Variants in TTC34 observed in about 807,000 individuals in gnomAD.
The protein encoded by TTC34 is tetratricopeptide repeat protein 34.
A neutral mutation model predicts 40.7 loss-of-function variants in TTC34; 44 were observed. The ratio of observed to expected loss-of-function variants is 1.08; its 90% CI spans 0.85 to 1.39. TTC34 has a LOEUF of 1.39. Ranked by LOEUF, TTC34 falls within the 40% of genes most tolerant of loss-of-function variation. TTC34 has a pLI of 0.00. For synonymous variants in TTC34, 422 were observed against 398.6 expected (o/e 1.06, Z -0.70); for missense variants, 884 against 838.0 (o/e 1.05, Z -0.68).
intron 6 of TTC34, among the ~76,000 whole-genome samples, chr1:2,657,380 C>G (rs1317488692): frequency 3.2e-5 from 3 of 94,266 alleles, no homozygotes; most frequent in Admixed American, 2.0e-4. Context: ...AGCACCCACA[C>G]CCCGAGGTGA....
exon 2 of TTC34, chr1:2,800,851 G>A (rs1340813318): frequency 1.5e-5 from 6 of 398,510 alleles, no homozygotes; most frequent in African/African-American, 1.2e-4. Flanking sequence ...ACGGGCCCAT[G>A]TCTGGTCCTC....
chr1:2,673,318 C>G (rs1639767790), intron 6 of TTC34, among the ~76,000 whole-genome samples: 1 of 87,112 alleles, frequency 1.1e-5, no homozygotes, highest in East Asian at 2.6e-4. Flanking sequence ...ACTCACACCC[C>G]CAGGAGAGCA....
intron 6 of TTC34, among the ~76,000 whole-genome samples, chr1:2,750,064 A>T (rs1641265216): frequency 9.4e-6 from 1 of 106,592 alleles, no homozygotes; most frequent in African/African-American, 4.4e-5. Context: ...AGCATCTGAC[A>T]GCCTGGAGCA....
intron 6 of TTC34, among the ~76,000 whole-genome samples, chr1:2,773,002 G>A: frequency 6.6e-6 from 1 of 151,686 alleles, no homozygotes; most frequent in East Asian, 2.0e-4. Context: ...CTGACAGCCT[G>A]GAGCAGCACC....
At chr1:2,793,482 T>G (rs1643683865) in intron 2 of TTC34, among the ~76,000 whole-genome samples, 1 of 152,268 alleles carries the variant, frequency 6.6e-6, no homozygotes, top group Non-Finnish European at 1.5e-5. Context: ...TTTTAAATTT[T>G]AGTTTAATCA....
At chr1:2,684,593 A>T (rs551150866) in intron 6 of TTC34, among the ~76,000 whole-genome samples, 1 of 127,366 alleles carries the variant, frequency 7.9e-6, no homozygotes, top group African/African-American at 3.6e-5. Context: ...AGCAACACCC[A>T]TACCCCCAGG....
chr1:2,646,547 G>A (rs556301119), intron 6 of TTC34, among the ~76,000 whole-genome samples: 1 of 152,174 alleles, frequency 6.6e-6, no homozygotes, highest in East Asian at 1.9e-4. Flanking sequence ...ACCACACCCA[G>A]CTCATTTTAA....
intron 5 of TTC34, 97 bp downstream of exon 5, chr1:2,785,722 A>G: frequency 7.5e-7 from 1 of 1,330,910 alleles, no homozygotes; most frequent in Non-Finnish European, 1.0e-6. Context: ...GCACCTGGGG[A>G]GCATGCGTGT....
At chr1:2,801,370 C>G (rs754678060) in intron 1 of TTC34, among the ~76,000 whole-genome samples, 1 of 152,118 alleles carries the variant, frequency 6.6e-6, no homozygotes, top group African/African-American at 2.4e-5. Context: ...GAGCACCTGC[C>G]AGGCCCTTGG....
chr1:2,752,990 T>A (rs1230784279), intron 6 of TTC34, among the ~76,000 whole-genome samples: 2,714 of 86,134 alleles, frequency 0.032, 1 homozygote, highest in African/African-American at 0.048. Context: ...GGTGAGCATC[T>A]GACCGCATGG....
chr1:2,756,540 A>T, intron 6 of TTC34, among the ~76,000 whole-genome samples: 1 of 131,072 alleles, frequency 7.6e-6, no homozygotes, highest in Admixed American at 8.5e-5. Flanking sequence ...CTGGAGCAGC[A>T]CCCACACTCC....
At chr1:2,695,886 G>A (rs1397624715) in intron 6 of TTC34, among the ~76,000 whole-genome samples, 9 of 147,912 alleles carry the variant, frequency 6.1e-5, no homozygotes, top group Non-Finnish European at 1.2e-4. Flanking sequence ...CCCGAGGCGA[G>A]CATCTGACAG....
intron 6 of TTC34, among the ~76,000 whole-genome samples, chr1:2,748,721 C>T (rs1185130631): frequency 1.3e-5 from 1 of 78,886 alleles, no homozygotes; most frequent in South Asian, 4.8e-4. Flanking sequence ...GAACCCACAC[C>T]TCCAGGTGAG....
At chr1:2,777,689 G>GGC (rs1553168917) in intron 6 of TTC34, among the ~76,000 whole-genome samples, 6 of 36,522 alleles carry the variant, frequency 1.6e-4, no homozygotes, top group Non-Finnish European at 2.0e-4. Flanking sequence ...CAGAGGGCAT[G>GGC]GGGGGGGGGG....
At chr1:2,753,364 C>G (rs1234495050) in intron 6 of TTC34, among the ~76,000 whole-genome samples, 1 of 106,166 alleles carries the variant, frequency 9.4e-6, no homozygotes, top group Non-Finnish European at 1.9e-5. Context: ...CAGCCTAGAA[C>G]AGCACCCACA....
intron 6 of TTC34, among the ~76,000 whole-genome samples, chr1:2,777,969 TGTCTGTCCAGTGCAGGAAA>T (rs1293951875): frequency 6.6e-6 from 1 of 152,238 alleles, no homozygotes; most frequent in Non-Finnish European, 1.5e-5. Context: ...CAGCCACAGA[TGTCTGTCCAGTGCAGGAAA>T]GTCTGTCCAG....
At chr1:2,684,078 C>T (rs1391954004) in intron 6 of TTC34, among the ~76,000 whole-genome samples, 6 of 152,336 alleles carry the variant, frequency 3.9e-5, no homozygotes, top group South Asian at 4.1e-4. Context: ...ACCCACATCC[C>T]CAGGTGAGCA....
At chr1:2,643,819 C>T (rs1475610593) in intron 8 of TTC34, among the ~76,000 whole-genome samples, 1 of 152,184 alleles carries the variant, frequency 6.6e-6, no homozygotes, top group African/African-American at 2.4e-5. Context: ...GAGGTGAAAT[C>T]CTGCCCAGGC....
chr1:2,694,157 G>T (rs1640754406), intron 6 of TTC34, among the ~76,000 whole-genome samples: 3 of 148,622 alleles, frequency 2.0e-5, no homozygotes, highest in Admixed American at 6.7e-5. Context: ...ACCCCCAGGC[G>T]AGCATCTGAC....
Sources: gnomAD v4.1 joint callset for allele counts (sites outside exome capture counted in the v4.1 genomes callset) on GRCh38, gnomAD v4.1.1 for gene constraint, MANE v1.5 for transcripts, NCBI Gene and HGNC (gene_info 2026-07-23, HGNC 2026-07-21) for gene names.